C18orf63: variants seen among roughly 807,000 people sequenced by gnomAD.
The protein encoded by C18orf63 is uncharacterized protein C18orf63.
C18orf63 carries 50 observed loss-of-function variants against 75.3 expected under a neutral mutation model. The ratio of observed to expected loss-of-function variants is 0.66; its 90% confidence interval spans 0.53 to 0.84. The LOEUF is 0.84. C18orf63 is among the 40% of genes least tolerant of loss of function. C18orf63 has a pLI of 0.00. For missense variants in C18orf63, 732 were observed against 800.2 expected (o/e 0.91, Z 1.03); for synonymous variants, 232 against 267.6 (o/e 0.87, Z 1.30).
At chr18:74,343,870 C>G (rs566569599) in intron 11 of C18orf63, among the ~76,000 whole-genome samples, 168 bp downstream of exon 11, 4 of 151,902 alleles carry the variant, frequency 2.6e-5, no homozygotes, top group Non-Finnish European at 5.9e-5. Context: ...TATACTTAGT[C>G]ATTTGTTATT....
intron 2 of C18orf63, among the ~76,000 whole-genome samples, chr18:74,319,818 C>A (rs1275847986): frequency 6.6e-6 from 1 of 151,744 alleles, no homozygotes; most frequent in Non-Finnish European, 1.5e-5. Flanking sequence ...GTGTAGATTT[C>A]TTCAAGTATA....
intron 5 of C18orf63, 90 bp downstream of exon 5, chr18:74,328,148 A>T (rs1285085773): frequency 2.3e-5 from 18 of 778,306 alleles, no homozygotes; most frequent in Non-Finnish European, 3.5e-5. Flanking sequence ...GCTAATAAAG[A>T]CATACTGGAG....
intron 7 of C18orf63, among the ~76,000 whole-genome samples, chr18:74,335,791 G>A (rs1447283800): frequency 6.6e-6 from 1 of 152,040 alleles, no homozygotes; most frequent in Non-Finnish European, 1.5e-5. Flanking sequence ...ATCTAGGTCA[G>A]AAGAAAGAAG....
chr18:74,317,940 A>T lies in C18orf63; in HGVS notation c.75A>T (p.Ile25=), dbSNP rs1162637292. 6.5e-7 allele frequency: 1 copy of T among 1,533,504 alleles called. No homozygotes were observed. Among genetic ancestry groups the T allele is most frequent in the Non-Finnish European group, 8.7e-7 (1 of 1,144,868 alleles). The allele number at this position is 1,533,504 out of a possible 1,614,324, so 95.0% of individuals were successfully genotyped here. A position where few individuals can be genotyped will look rare whatever the true frequency, so the allele number is the denominator to read the frequency against. Reference sequence around the variant, plus strand: ...TAAACAAACTCTGTGCTGTCAGAATAATACTGAGTAATAAGGTGGCAGATA... The same window carrying T: ...TAAACAAACTCTGTGCTGTCAGAATTATACTGAGTAATAAGGTGGCAGATA... ...PDLNKLCAVR[I]ILSNKVADTE... Residue 25 remains isoleucine (I), a synonymous_variant, in exon 2 of 14, where the codon ATA becomes ATT. Coordinates refer to ENST00000579455, the MANE Select transcript of C18orf63 (RefSeq NM_001174123.2).
chr18:74,333,301 G>A (rs1984339796), intron 7 of C18orf63, among the ~76,000 whole-genome samples: 1 of 152,120 alleles, frequency 6.6e-6, no homozygotes, highest in South Asian at 2.1e-4. Context: ...CTGCCAGCAG[G>A]CCAACTCCCA....
chr18:74,316,496 C>A (rs1599283115), intron 1 of C18orf63, among the ~76,000 whole-genome samples: 1 of 152,150 alleles, frequency 6.6e-6, no homozygotes, highest in South Asian at 2.1e-4. Flanking sequence ...TAGCGGCGGT[C>A]CCGAGGCTTA....
chr18:74,354,313 C>T (rs12608084), intron 12 of C18orf63, 45 bp downstream of exon 12: 807,361 of 1,421,976 alleles, frequency 0.57, 230,719 homozygotes, highest in Middle Eastern at 0.61. Flanking sequence ...ATGCTAGACC[C>T]TTAAAACCCC....
chr18:74,323,074 C>T (rs565236236), intron 4 of C18orf63, among the ~76,000 whole-genome samples: 35 of 152,262 alleles, frequency 2.3e-4, no homozygotes, highest in Admixed American at 1.1e-3. Flanking sequence ...CATTATATAG[C>T]TAATATGTAG....
intron 3 of C18orf63, 88 bp from the exon 4 acceptor site, chr18:74,322,610 G>A (rs992317221): frequency 5.0e-6 from 2 of 402,184 alleles, no homozygotes; most frequent in Non-Finnish European, 8.5e-6. Context: ...TTTGCCCTCT[G>A]TAGAATAATG....
At position 74,357,003 on chromosome 18, in the gene C18orf63, A is replaced by G. The variant is rs1984778045; in HGVS notation, c.*556A>G. 6.6e-6 allele frequency: 1 copy of G among 152,164 alleles called. No individual in the cohort carries two copies. Among genetic ancestry groups the G allele is most frequent in the African/African-American group, 2.4e-5 (1 of 41,442 alleles). The allele number at this position is 152,164 out of a possible 1,614,324, so 9.4% of individuals were successfully genotyped here. A position where few individuals can be genotyped will look rare whatever the true frequency, so the allele number is the denominator to read the frequency against. On this transcript the variant is annotated 3_prime_UTR_variant, in exon 14 of 14. Transcript: ENST00000579455. ...ATATTTCTAACATAAGATATAGTAT[A>G]TTTTTTAAGAAAAAAAGAATGTGTA...
intron 10 of C18orf63, among the ~76,000 whole-genome samples, chr18:74,342,653 A>G (rs1015759597): frequency 1.1e-4 from 17 of 152,186 alleles, no homozygotes; most frequent in African/African-American, 3.6e-4. Flanking sequence ...GGCATTTCAG[A>G]TACAATTGAA....
At chr18:74,340,264 C>T (rs1326766522) in intron 8 of C18orf63, among the ~76,000 whole-genome samples, 1 of 152,152 alleles carries the variant, frequency 6.6e-6, no homozygotes, top group African/African-American at 2.4e-5. Flanking sequence ...ATGCTCAACA[C>T]CACTAATCAT....
At chr18:74,331,303 T>G (rs1202912932) in intron 7 of C18orf63, among the ~76,000 whole-genome samples, 1 of 152,230 alleles carries the variant, frequency 6.6e-6, no homozygotes, top group Non-Finnish European at 1.5e-5. Flanking sequence ...AAATTTAATA[T>G]TAATTCCCCT....
At chr18:74,331,928 C>T (rs1984314264) in intron 7 of C18orf63, among the ~76,000 whole-genome samples, 1 of 152,052 alleles carries the variant, frequency 6.6e-6, no homozygotes, top group Non-Finnish European at 1.5e-5. Flanking sequence ...ACTTTTCTGC[C>T]CTGGAGAATC....
chr18:74,359,108 T>C lies in C18orf63; in HGVS notation c.*2661T>C, dbSNP rs1984822273. The C allele has an allele frequency of 6.6e-6, 1 of 152,192 alleles. No individual in the cohort carries two copies. Among genetic ancestry groups the C allele is most frequent in the Non-Finnish European group, 1.5e-5 (1 of 68,018 alleles). The allele number at this position is 152,192 out of a possible 1,614,324, so 9.4% of individuals were successfully genotyped here. On this transcript the variant is annotated 3_prime_UTR_variant, in exon 14 of 14. Transcript: ENST00000579455. ...TTAAGAATGTCATGGTCCTTATGTTTTGATGTTTAAAATGTTCACTTTGTT... is the reference window on the plus strand; with the variant it reads ...TTAAGAATGTCATGGTCCTTATGTTCTGATGTTTAAAATGTTCACTTTGTT...
At position 74,350,514 on chromosome 18, in the gene C18orf63, G is replaced by T. The variant is rs151120122; in HGVS notation, c.979-2732G>T. 4.4e-3 allele frequency among the ~76,000 whole-genome samples: 669 copies of T among 152,238 alleles called. 2 individuals are homozygous for T. The South Asian group carries it at 0.047, about 11-fold the overall frequency. ...AGAACACCATGTGAAGGTGGAGATG[G>T]TCATCTACAAGCCGAGGAAACAGGC... On this transcript the variant is annotated intron_variant, in intron 11 of 13. Coordinates refer to ENST00000579455, the MANE Select transcript of C18orf63 (RefSeq NM_001174123.2).
At chr18:74,322,644 T>C in intron 3 of C18orf63, 54 bp from the exon 4 acceptor site, 2 of 565,166 alleles carry the variant, frequency 3.5e-6, no homozygotes. Flanking sequence ...TTGCATTATT[T>C]AATTATATAT....
At chr18:74,323,876 A>G (rs1228532487) in intron 4 of C18orf63, among the ~76,000 whole-genome samples, 1 of 152,188 alleles carries the variant, frequency 6.6e-6, no homozygotes, top group East Asian at 1.9e-4. Context: ...CATCCCAAAT[A>G]TGCACACATT....
intron 13 of C18orf63, 57 bp downstream of exon 13, chr18:74,354,603 A>T: frequency 1.2e-6 from 1 of 816,660 alleles, no homozygotes; most frequent in Non-Finnish European, 1.8e-6. Flanking sequence ...GGGATTGCCA[A>T]GTTTAGGGGT....
Sources: gnomAD v4.1 joint callset for allele counts (sites outside exome capture counted in the v4.1 genomes callset) on GRCh38, gnomAD v4.1.1 for gene constraint, MANE v1.5 for transcripts, NCBI Gene and HGNC (gene_info 2026-07-23, HGNC 2026-07-21) for gene names.